SNAP47: variants seen among roughly 807,000 people sequenced by gnomAD.
The protein encoded by SNAP47 is synaptosome associated protein 47, also known as synaptosomal-associated protein 47.
A neutral mutation model predicts 31.4 loss-of-function variants in SNAP47; 20 were observed. The observed-to-expected ratio is 0.64, with a 90% confidence interval of 0.45 to 0.93. The LOEUF is 0.93. Among genes scored for constraint, SNAP47 ranks in the 40% least tolerant of loss-of-function variants. The pLI is 0.00. For synonymous variants in SNAP47, 194 were observed against 213.4 expected (o/e 0.91, Z 0.79); for missense variants, 492 against 528.5 (o/e 0.93, Z 0.68).
upstream of SNAP47, chr1:227,732,097 C>T (rs1474376308): frequency 3.5e-5 from 18 of 507,664 alleles, no homozygotes; most frequent in Admixed American, 3.9e-4. Flanking sequence ...CTCCTGTCAG[C>T]TCAGGCGTCC....
chr1:227,747,664 C>T, intron 1 of SNAP47, 28 bp from the exon 2 acceptor site: 2 of 1,556,000 alleles, frequency 1.3e-6, no homozygotes, highest in South Asian at 1.2e-5. Context: ...TGGGTGACGG[C>T]AGAACGTTAC....
intron 2 of SNAP47, among the ~76,000 whole-genome samples, chr1:227,757,933 A>T (rs1424138993): frequency 6.6e-6 from 1 of 152,016 alleles, no homozygotes; most frequent in Non-Finnish European, 1.5e-5. Context: ...TCCCCCCAGC[A>T]TACCCACTGA....
intron 4 of SNAP47, among the ~76,000 whole-genome samples, chr1:227,774,714 C>A (rs1340055032): frequency 6.6e-6 from 1 of 152,252 alleles, no homozygotes; most frequent in Admixed American, 6.5e-5. Flanking sequence ...CTTGAAAGAG[C>A]CACATTTTAG....
chr1:227,780,672 A>AG lies in SNAP47; in HGVS notation c.*3dup. The AG allele has an allele frequency of 6.2e-7, 1 of 1,614,106 alleles. No homozygotes were observed. The highest frequency in any genetic ancestry group is 8.5e-7 in the Non-Finnish European group (1 of 1,179,980). ...KHNRRMKRLT[*] is the part of the protein sequence containing the mutation. ...AACAGGCGGATGAAGAGGCTGACCT[A>AG]GGGGCAGAACGTCCCTGCATTCCTG... is the stretch of plus-strand genomic sequence containing the variant. Residue 420 remains the stop codon, a frameshift_variant and stop_retained_variant, in exon 5 of 5, where the codon TAG becomes TAGG. Coordinates refer to ENST00000617596, the MANE Select transcript of SNAP47 (RefSeq NM_053052.4). LOFTEE classifies it high-confidence loss of function.
At chr1:227,777,665 C>T (rs1277359978) in intron 4 of SNAP47, among the ~76,000 whole-genome samples, 1 of 152,098 alleles carries the variant, frequency 6.6e-6, no homozygotes, top group Non-Finnish European at 1.5e-5. Context: ...ATTTGTTTTC[C>T]CTATCATTTT....
intron 1 of SNAP47, among the ~76,000 whole-genome samples, chr1:227,737,776 G>A (rs1661320375): frequency 6.6e-6 from 1 of 152,122 alleles, no homozygotes; most frequent in Non-Finnish European, 1.5e-5. Context: ...GTAAAGGTGG[G>A]ATATGAGGGC....
In SNAP47 at chr1:227,741,108, A is replaced by G. The variant is rs1048915366; in HGVS notation, c.-46+5609A>G. On this transcript the variant is annotated intron_variant, in intron 1 of 4. Transcript: ENST00000617596. The surrounding 1 kb of genome is among the most constrained non-coding windows in gnomAD (Gnocchi z 4.2). ...GGGAGGAGCTGATGGAAGGAATGTG[A>G]AGTTCAAGTGCCTGTTAGGGGTGGG... Among the ~76,000 whole-genome samples, 1 of 152,084 alleles carries G rather than the reference A, an allele frequency of 6.6e-6. No individual in the cohort carries two copies. Among genetic ancestry groups the G allele is most frequent in the Non-Finnish European group, 1.5e-5 (1 of 68,010 alleles).
chr1:227,733,250 G>T, upstream of SNAP47: 2 of 902,276 alleles, frequency 2.2e-6, no homozygotes, highest in Non-Finnish European at 3.3e-6. Context: ...CCGGCAGTGG[G>T]TGAAACAGAG....
intron 1 of SNAP47, among the ~76,000 whole-genome samples, chr1:227,745,470 C>G (rs1260460191): frequency 6.6e-6 from 1 of 152,216 alleles, no homozygotes; most frequent in African/African-American, 2.4e-5. Context: ...GTGGCATTTG[C>G]TGCCTAAATA....
upstream of SNAP47, chr1:227,733,019 G>T: frequency 6.2e-7 from 1 of 1,613,476 alleles, no homozygotes. Flanking sequence ...TGATGGAGAT[G>T]GTGTCATCCT....
upstream of SNAP47, chr1:227,730,686 G>A (rs1001894019): frequency 1.3e-5 from 2 of 152,238 alleles, no homozygotes; most frequent in Admixed American, 1.3e-4. Flanking sequence ...CCTGACTGCG[G>A]AAGCATGAGG....
upstream of SNAP47, chr1:227,734,968 G>C (rs756991468): frequency 6.0e-6 from 9 of 1,500,756 alleles, no homozygotes; most frequent in Non-Finnish European, 8.0e-6. Context: ...CCTGGGTCCC[G>C]CCGGCCTTTC....
intron 4 of SNAP47, chr1:227,776,726 G>T: frequency 2.0e-6 from 2 of 985,478 alleles, no homozygotes; most frequent in Non-Finnish European, 2.4e-6. Context: ...CAGTTTGAAG[G>T]TTCGCTCAGG....
At position 227,741,615 on chromosome 1, in the gene SNAP47, TGAGA is replaced by T; in HGVS notation, c.-45-6069_-45-6066del. Among the ~76,000 whole-genome samples, 1 of 151,906 alleles carries T rather than the reference TGAGA, an allele frequency of 6.6e-6. No individual in the cohort carries two copies. Among genetic ancestry groups the T allele is most frequent in the South Asian group, 2.1e-4 (1 of 4,798 alleles). ...GGGAGGGCCGGAGAGGTCTGGGGGC[TGAGA>T]GAGAGAGGGTGGGATCAGGGCCCCG... On this transcript the variant is annotated intron_variant, in intron 1 of 4. Transcript: ENST00000617596. This position sits in a 1 kb window ranked among gnomAD's most constrained non-coding sequence, Gnocchi z 4.2.
intron 4 of SNAP47, chr1:227,770,578 A>C (rs1663738064): frequency 6.5e-6 from 1 of 154,780 alleles, no homozygotes; most frequent in African/African-American, 2.4e-5. Context: ...TAGGAACTGG[A>C]GAATGCATTG....
At position 227,741,748 on chromosome 1, in the gene SNAP47, G is replaced by A. The variant is rs181622266; in HGVS notation, c.-45-5944G>A. ...GTAGGGGAATGGCTGGCCGGCGTGG[G>A]GGCCGTGTTCAAGATTGGGCTGCTT... is the stretch of plus-strand genomic sequence containing the variant. On this transcript the variant is annotated intron_variant, in intron 1 of 4. Coordinates refer to ENST00000617596, the MANE Select transcript of SNAP47 (RefSeq NM_053052.4). This position sits in a 1 kb window ranked among gnomAD's most constrained non-coding sequence, Gnocchi z 4.2. Among the ~76,000 whole-genome samples, 36 of 152,216 alleles carry A rather than the reference G, an allele frequency of 2.4e-4. No individual in the cohort carries two copies. In the East Asian group the frequency reaches 7.0e-3, roughly 29 times the overall value.
chr1:227,736,502 GTTTTTTTTTTTTTTTTTTTT>G (rs71180760), intron 1 of SNAP47: 4 of 44,414 alleles, frequency 9.0e-5, no homozygotes, highest in South Asian at 1.1e-3. Context: ...GCCCAGAGCA[GTTTTTTTTTTTTTTTTTTTT>G]TTTTTTTTTT....
chr1:227,774,752 A>G (rs184422797), intron 4 of SNAP47, among the ~76,000 whole-genome samples: 3 of 152,160 alleles, frequency 2.0e-5, no homozygotes, highest in African/African-American at 7.2e-5. Context: ...TCCTATTTTG[A>G]GGGTACCACT....
At chr1:227,769,776 C>T (rs938335388) in intron 4 of SNAP47, among the ~76,000 whole-genome samples, 1 of 152,182 alleles carries the variant, frequency 6.6e-6, no homozygotes, top group Non-Finnish European at 1.5e-5. Context: ...CTGTTGTCCG[C>T]TTCTCTTTGC....
Sources: gnomAD v4.1 joint callset for allele counts (sites outside exome capture counted in the v4.1 genomes callset) on GRCh38, gnomAD v4.1.1 for gene constraint, Gnocchi (gnomAD v3.1) non-coding constraint, MANE v1.5 for transcripts, NCBI Gene and HGNC (gene_info 2026-07-23, HGNC 2026-07-21) for gene names.